The following SEC24D variants were observed in gnomAD, a reference collection of about 807,000 sequenced individuals.
SEC24D encodes SEC24 homolog D, COPII component.
SEC24D carries 69 observed loss-of-function variants against 116.9 expected under a neutral mutation model. The ratio of observed to expected loss-of-function variants is 0.59; its 90% CI spans 0.49 to 0.72. The LOEUF (loss-of-function observed/expected upper bound fraction) is 0.72. SEC24D is among the 30% of genes least tolerant of loss of function. The pLI, the probability that SEC24D is intolerant of heterozygous loss-of-function variation, is 0.00. For missense variants in SEC24D, 1,131 were observed against 1,264.1 expected, an observed-to-expected ratio of 0.89 and a Z score of 1.60; for synonymous variants, 405 against 442.8, an observed-to-expected ratio of 0.91 and a Z score of 1.07.
At chr4:118,730,739 T>C (rs1725639220) in intron 21 of SEC24D, 1 of 152,388 alleles carries the variant, frequency 6.6e-6, no homozygotes, top group South Asian at 2.1e-4. Flanking sequence ...ACTCACAATT[T>C]CTTTTGTTGT....
intron 3 of SEC24D, 69 bp from the exon 4 acceptor site, chr4:118,817,481 A>C: frequency 7.4e-7 from 1 of 1,349,216 alleles, no homozygotes; most frequent in Non-Finnish European, 1.0e-6. Flanking sequence ...AATAATGTTA[A>C]TAGCTTGTAA....
chr4:118,769,153 C>T (rs528919192), intron 8 of SEC24D, among the ~76,000 whole-genome samples: 53 of 152,218 alleles, frequency 3.5e-4, no homozygotes, highest in African/African-American at 1.2e-3. Context: ...GCAAGGCGGT[C>T]GATTCTACCT....
Position 118,807,944 on chromosome 4 carries a change from G to A in SEC24D, c.802-1990C>T, listed in dbSNP as rs187138645. On this transcript the variant is annotated intron_variant, in intron 6 of 22. Coordinates refer to ENST00000280551, the MANE Select transcript of SEC24D (RefSeq NM_014822.4). ...CTGTATTTTGACCACAAGGTTAATC[G>A]GATTCATTAAAAATAGAGTTGTTTT... 3.9e-3 allele frequency among the ~76,000 whole-genome samples: 587 copies of A among 152,236 alleles called. 6 individuals are homozygous for A. Among genetic ancestry groups the A allele is most frequent in the Non-Finnish European group, 5.5e-3 (375 of 68,010 alleles).
Position 118,830,970 on chromosome 4 carries a change from C to G in SEC24D, c.118+2609G>C, listed in dbSNP as rs185105109. On this transcript the variant is annotated intron_variant, in intron 2 of 22. Coordinates refer to ENST00000280551, the MANE Select transcript of SEC24D (RefSeq NM_014822.4). ...GTAGGAAAGCTGTTTACAATCACTCCAAAAAGATTTGGGAGACCGATTACA... is the reference window on the plus strand; with the variant it reads ...GTAGGAAAGCTGTTTACAATCACTCGAAAAAGATTTGGGAGACCGATTACA... Among the ~76,000 whole-genome samples, 337 of 152,208 alleles carry G rather than the reference C, an allele frequency of 2.2e-3. 1 individual carries two copies. Among genetic ancestry groups the G allele is most frequent in the African/African-American group, 7.4e-3 (308 of 41,556 alleles).
chr4:118,823,285 G>A (rs1374351060), intron 3 of SEC24D, among the ~76,000 whole-genome samples: 2 of 152,200 alleles, frequency 1.3e-5, no homozygotes, highest in East Asian at 1.9e-4. Context: ...CATTTCAACC[G>A]GCAAATGTCA....
intron 8 of SEC24D, among the ~76,000 whole-genome samples, chr4:118,768,878 A>G (rs1727768161): frequency 6.6e-6 from 1 of 152,236 alleles, no homozygotes; most frequent in South Asian, 2.1e-4. Context: ...GCATATGCAT[A>G]TTTGCCAATA....
chr4:118,768,407 T>G lies in SEC24D; in HGVS notation c.1042-96A>C, dbSNP rs908432781. 29 of 1,053,632 alleles carry G rather than the reference T, an allele frequency of 2.8e-5. No individual in the cohort carries two copies. In the African/African-American group the frequency reaches 4.6e-4, roughly 17 times the overall value. 65.3% of individuals were successfully genotyped at this position (1,053,632 alleles called of 1,614,324 possible). On this transcript the variant is annotated intron_variant, in intron 8 of 22. Transcript: ENST00000280551. ...CTTTTAATGGCACTTTTTTTTTTTT[T>G]TTTTTGAGACAGAGTCTTGCTCTGT...
intron 3 of SEC24D, among the ~76,000 whole-genome samples, chr4:118,823,601 G>A (rs540332272): frequency 6.6e-6 from 1 of 152,318 alleles, no homozygotes; most frequent in South Asian, 2.1e-4. Context: ...CACTGGCTTG[G>A]CACAGGTTCT....
chr4:118,795,165 A>C (rs1444175238), intron 8 of SEC24D, among the ~76,000 whole-genome samples: 1 of 151,986 alleles, frequency 6.6e-6, no homozygotes, highest in East Asian at 1.9e-4. Context: ...CCAATACTAC[A>C]TATTGTTATA....
chr4:118,735,647 G>T (rs138930806), intron 19 of SEC24D: 2 of 150,636 alleles, frequency 1.3e-5, no homozygotes, highest in Non-Finnish European at 1.5e-5. Flanking sequence ...TTAATTAAAA[G>T]AATCTACATT....
At chr4:118,746,395 T>C (rs1025159062) in intron 13 of SEC24D, among the ~76,000 whole-genome samples, 6 of 152,088 alleles carry the variant, frequency 3.9e-5, no homozygotes, top group African/African-American at 1.4e-4. Flanking sequence ...ATGTATTTTC[T>C]TTAACACTCA....
chr4:118,754,056 A>T lies in SEC24D; in HGVS notation c.1422-1168T>A, dbSNP rs139103616. Reference sequence around the variant, plus strand: ...ACCAATTTCTTTGATATGTCAACAGAGTACAGGCTGATAAGGTACTGACTC... The same window carrying T: ...ACCAATTTCTTTGATATGTCAACAGTGTACAGGCTGATAAGGTACTGACTC... On this transcript the variant is annotated intron_variant, in intron 11 of 22. Transcript: ENST00000280551. The T allele has an allele frequency of 1.1e-3, 171 of 152,280 alleles. 1 individual carries two copies. Among genetic ancestry groups the T allele is most frequent in the African/African-American group, 3.8e-3 (157 of 41,580 alleles). The allele number at this position is 152,280 out of a possible 1,614,324, so 9.4% of individuals were successfully genotyped here.
chr4:118,744,197 T>C, intron 14 of SEC24D, 39 bp from the exon 15 acceptor site: 1 of 1,460,920 alleles, frequency 6.8e-7, no homozygotes, highest in Non-Finnish European at 9.1e-7. Context: ...AAATAAAAAT[T>C]ACAAAATGTT....
chr4:118,821,169 T>C (rs900470158), intron 3 of SEC24D, among the ~76,000 whole-genome samples: 11 of 152,230 alleles, frequency 7.2e-5, no homozygotes, highest in African/African-American at 2.2e-4. Flanking sequence ...TTCTCCACAC[T>C]AAATAAAATT....
chr4:118,800,608 A>AG (rs1305593202), intron 7 of SEC24D, among the ~76,000 whole-genome samples: 5 of 152,230 alleles, frequency 3.3e-5, no homozygotes, highest in Non-Finnish European at 7.3e-5. Flanking sequence ...TGCTCTGCAG[A>AG]GCATCTGAGA....
At chr4:118,817,531 T>C in intron 3 of SEC24D, 119 bp from the exon 4 acceptor site, 3 of 699,534 alleles carry the variant, frequency 4.3e-6, no homozygotes, top group Non-Finnish European at 6.8e-6. Context: ...GGAAAATGAC[T>C]GATATTATAT....
At chr4:118,749,187 G>T (rs747785976) in intron 13 of SEC24D, among the ~76,000 whole-genome samples, 1 of 151,988 alleles carries the variant, frequency 6.6e-6, no homozygotes, top group Non-Finnish European at 1.5e-5. Context: ...AGACTATGTG[G>T]GGAAAAAATG....
intron 19 of SEC24D, among the ~76,000 whole-genome samples, chr4:118,737,111 T>C (rs1216358988): frequency 6.6e-6 from 1 of 152,182 alleles, no homozygotes; most frequent in Non-Finnish European, 1.5e-5. Context: ...CTAAGACAAA[T>C]AGTAAAATGA....
chr4:118,834,232 C>A (rs1339321132), intron 1 of SEC24D, among the ~76,000 whole-genome samples: 1 of 152,128 alleles, frequency 6.6e-6, no homozygotes, highest in East Asian at 1.9e-4. Flanking sequence ...AAATCATAGT[C>A]CAACAAACAT....
Sources: allele counts gnomAD v4.1 joint callset (sites outside exome capture counted in the v4.1 genomes callset), GRCh38; gene constraint gnomAD v4.1.1; transcripts MANE v1.5; gene names NCBI Gene and HGNC (gene_info 2026-07-23, HGNC 2026-07-21).